Variants in MAPK8 observed in about 807,000 individuals in gnomAD.
The protein encoded by MAPK8 is mitogen-activated protein kinase 8.
MAPK8 carries 13 observed loss-of-function variants against 52.9 expected under a neutral mutation model. The ratio of observed to expected loss-of-function variants is 0.25; its 90% confidence interval spans 0.16 to 0.39. The LOEUF is 0.39. Ranked by LOEUF, MAPK8 falls within the 10% of genes least tolerant of loss-of-function variation. MAPK8 has a pLI of 1.00. For synonymous variants in MAPK8, 191 were observed against 169.8 expected, an observed-to-expected ratio of 1.12 and a Z score of -0.97; for missense variants, 300 against 519.2, an observed-to-expected ratio of 0.58 and a Z score of 4.10.
At chr10:48,427,231 G>A (rs879467571) in intron 10 of MAPK8, 88 bp downstream of exon 10, 24 of 941,648 alleles carry the variant, frequency 2.5e-5, no homozygotes, top group Non-Finnish European at 3.6e-5. Flanking sequence ...AGAAATTTGT[G>A]ACTTTAATAT....
In MAPK8 at chr10:48,356,841, C is replaced by CAAAA. The variant is rs869186711; in HGVS notation, c.-49-44735_-49-44732dup. Reference sequence around the variant, plus strand: ...TGGGTGACAGAGTGAGACTCCGTCTCAAAAAAAAAAAAAAAAAAAAAAAAA... The same window carrying CAAAA: ...TGGGTGACAGAGTGAGACTCCGTCTCAAAAAAAAAAAAAAAAAAAAAAAAAAAAA... On this transcript the variant is annotated intron_variant, in intron 1 of 11. Coordinates refer to ENST00000374189, the MANE Select transcript of MAPK8 (RefSeq NM_001323329.2). 2.6e-4 allele frequency among the ~76,000 whole-genome samples: 8 copies of CAAAA among 30,278 alleles called. 1 individual carries two copies. Among genetic ancestry groups the CAAAA allele is most frequent in the Admixed American group, 5.0e-4 (1 of 1,984 alleles). The allele number at this position is 30,278 out of a possible 152,430, so 19.9% of individuals were successfully genotyped here.
At chr10:48,390,668 G>A (rs2041573673) in intron 1 of MAPK8, among the ~76,000 whole-genome samples, 1 of 152,196 alleles carries the variant, frequency 6.6e-6, no homozygotes. Context: ...GCGGAGCGGG[G>A]GCGGTCAGCC....
intron 1 of MAPK8, among the ~76,000 whole-genome samples, chr10:48,340,480 C>T (rs1291318447): frequency 1.3e-5 from 2 of 152,076 alleles, no homozygotes; most frequent in Admixed American, 6.5e-5. Context: ...AGCTCAGACC[C>T]CAGAATTATG....
chr10:48,434,844 T>G, intron 11 of MAPK8, 40 bp from the exon 12 acceptor site: 3 of 1,563,478 alleles, frequency 1.9e-6, no homozygotes, highest in Non-Finnish European at 2.6e-6. Flanking sequence ...GATCTGCAGC[T>G]GTCTGCAACT....
intron 6 of MAPK8, 152 bp from the exon 7 acceptor site, chr10:48,423,936 G>T (rs1589262787): frequency 2.1e-6 from 1 of 474,566 alleles, no homozygotes; most frequent in Non-Finnish European, 3.7e-6. Flanking sequence ...AAAATAATTT[G>T]TGTTTTAAAT....
At chr10:48,395,934 GAAAT>G (rs1334726903) in intron 1 of MAPK8, among the ~76,000 whole-genome samples, 1 of 152,038 alleles carries the variant, frequency 6.6e-6, no homozygotes, top group African/African-American at 2.4e-5. Flanking sequence ...AATAACCAAA[GAAAT>G]AAACTTTGAC....
At chr10:48,326,269 A>G (rs1843510036) in intron 1 of MAPK8, among the ~76,000 whole-genome samples, 2 of 152,318 alleles carry the variant, frequency 1.3e-5, no homozygotes, top group South Asian at 4.1e-4. Context: ...CTTATTTTAT[A>G]CTTTGGGTTA....
At chr10:48,309,094 T>C (rs765793555) in intron 1 of MAPK8, among the ~76,000 whole-genome samples, 1 of 152,248 alleles carries the variant, frequency 6.6e-6, no homozygotes, top group Non-Finnish European at 1.5e-5. Flanking sequence ...TAGGGGTTAC[T>C]GACAATCCTT....
At chr10:48,314,849 G>T (rs1267869665) in intron 1 of MAPK8, among the ~76,000 whole-genome samples, 1 of 152,090 alleles carries the variant, frequency 6.6e-6, no homozygotes, top group African/African-American at 2.4e-5. Context: ...TCCCCAATTT[G>T]CTGTTTTCCA....
At position 48,425,903 on chromosome 10, in the gene MAPK8, A is replaced by G. The variant is rs748025349; in HGVS notation, c.704A>G (p.Asn235Ser). The G allele has an allele frequency of 6.2e-7, 1 of 1,603,442 alleles. No individual in the cohort carries two copies. Among genetic ancestry groups the G allele is most frequent in the Non-Finnish European group, 8.5e-7 (1 of 1,173,946 alleles). ...TTGATATTAGATATTGATCAGTGGA[A>G]TAAAGTTATTGAACAGCTTGGAACA... is the stretch of plus-strand genomic sequence containing the variant. ...FPGRDYIDQWNKVIEQLGTPC... is the reference protein window; with the variant it reads ...FPGRDYIDQWSKVIEQLGTPC... Residue 235 changes from asparagine to serine, a missense_variant, in exon 8 of 12, where the codon AAT (asparagine) becomes AGT (serine). Transcript: ENST00000374189.
chr10:48,355,508 CA>C (rs67368546), intron 1 of MAPK8, among the ~76,000 whole-genome samples: 101 of 113,442 alleles, frequency 8.9e-4, no homozygotes, highest in Admixed American at 1.1e-3. Flanking sequence ...GATTCCGTCT[CA>C]AAAAAAAAAA....
intron 1 of MAPK8, among the ~76,000 whole-genome samples, chr10:48,342,677 T>C (rs933996329): frequency 6.6e-6 from 1 of 152,208 alleles, no homozygotes; most frequent in Non-Finnish European, 1.5e-5. Flanking sequence ...CTGTTGTTGA[T>C]AGGAGGAGTA....
intron 2 of MAPK8, among the ~76,000 whole-genome samples, chr10:48,404,173 CT>C (rs373695876): frequency 2.5e-3 from 353 of 141,016 alleles, no homozygotes; most frequent in Middle Eastern, 3.8e-3. Context: ...AATTTATATG[CT>C]TTTTTTTTTT....
At chr10:48,413,972 A>G (rs979964025) in intron 5 of MAPK8, among the ~76,000 whole-genome samples, 2 of 151,144 alleles carry the variant, frequency 1.3e-5, no homozygotes, top group South Asian at 2.1e-4. Context: ...TGTTTATTAT[A>G]TTTGAAGATT....
chr10:48,405,119 A>ATG, intron 3 of MAPK8, 138 bp downstream of exon 3: 1 of 274,652 alleles, frequency 3.6e-6, no homozygotes, highest in Non-Finnish European at 6.8e-6. Context: ...ATATATATAT[A>ATG]TATATATATC....
At chr10:48,432,904 C>T (rs1279601201) in intron 11 of MAPK8, among the ~76,000 whole-genome samples, 2 of 152,160 alleles carry the variant, frequency 1.3e-5, no homozygotes, top group Non-Finnish European at 2.9e-5. Flanking sequence ...TAAAAATATT[C>T]TGCTCTTGAT....
intron 5 of MAPK8, among the ~76,000 whole-genome samples, chr10:48,416,957 C>T (rs1224735644): frequency 6.6e-6 from 1 of 152,066 alleles, no homozygotes; most frequent in Non-Finnish European, 1.5e-5. Flanking sequence ...GATTGGGGCC[C>T]AAGGGTCATT....
intron 1 of MAPK8, among the ~76,000 whole-genome samples, chr10:48,364,786 T>G (rs1007192792): frequency 2.0e-5 from 3 of 152,174 alleles, no homozygotes; most frequent in African/African-American, 7.2e-5. Context: ...TTTCATATCC[T>G]AAAGACAGAA....
chr10:48,399,766 A>G (rs978897521), intron 1 of MAPK8, among the ~76,000 whole-genome samples: 1 of 152,080 alleles, frequency 6.6e-6, no homozygotes, highest in African/African-American at 2.4e-5. Flanking sequence ...TGATTATCTT[A>G]ATCTTTTTGA....
Sources: gnomAD v4.1 joint callset for allele counts (sites outside exome capture counted in the v4.1 genomes callset) on GRCh38, gnomAD v4.1.1 for gene constraint, MANE v1.5 for transcripts, NCBI Gene and HGNC (gene_info 2026-07-23, HGNC 2026-07-21) for gene names.